Variants in PTPRN2 observed in about 807,000 individuals in gnomAD.
PTPRN2 encodes protein tyrosine phosphatase receptor type N2, also known as receptor-type tyrosine-protein phosphatase N2.
PTPRN2 carries 74 observed loss-of-function variants against 118.8 expected under a neutral mutation model. That is an observed-to-expected ratio of 0.62 (90% confidence interval 0.52 to 0.76). PTPRN2 has a LOEUF of 0.76. PTPRN2 is among the 30% of genes least tolerant of loss of function. The pLI is 0.00. For synonymous variants in PTPRN2, 641 were observed against 608.0 expected, an observed-to-expected ratio of 1.05 and a Z score of -0.80; for missense variants, 1,481 against 1,394.4, an observed-to-expected ratio of 1.06 and a Z score of -0.99.
At chr7:158,068,740 G>A (rs1021660579) in intron 11 of PTPRN2, among the ~76,000 whole-genome samples, 1 of 152,194 alleles carries the variant, frequency 6.6e-6, no homozygotes, top group Non-Finnish European at 1.5e-5. Flanking sequence ...GTCAAGGGCT[G>A]TGAAGCTGAT....
intron 2 of PTPRN2, among the ~76,000 whole-genome samples, chr7:158,433,468 TA>T (rs923693328): frequency 1.6e-4 from 24 of 152,094 alleles, no homozygotes; most frequent in South Asian, 1.2e-3. Context: ...GATCACAGGG[TA>T]AAAAAAATAC....
chr7:158,025,849 G>A (rs912913450), intron 11 of PTPRN2, among the ~76,000 whole-genome samples: 7 of 152,360 alleles, frequency 4.6e-5, no homozygotes, highest in East Asian at 1.9e-4. Flanking sequence ...TAACGAGCCC[G>A]GCAGACAATT....
At position 158,570,309 on chromosome 7, in the gene PTPRN2, C is replaced by T. The variant is rs576819775; in HGVS notation, c.112+17249G>A. On this transcript the variant is annotated intron_variant, in intron 1 of 22. Coordinates refer to ENST00000389418, the MANE Select transcript of PTPRN2 (RefSeq NM_002847.5). This position sits in a 1 kb window ranked among gnomAD's most constrained non-coding sequence, Gnocchi z 4.5. ...TAAGGGACGCCCTCAGAGGCCTCCACCCCACACTCCACCGCGCTCTGCCAA... is the reference window on the plus strand; with the variant it reads ...TAAGGGACGCCCTCAGAGGCCTCCATCCCACACTCCACCGCGCTCTGCCAA... 3.9e-5 allele frequency among the ~76,000 whole-genome samples: 6 copies of T among 152,228 alleles called. No homozygotes were observed. Among genetic ancestry groups the T allele is most frequent in the Non-Finnish European group, 7.3e-5 (5 of 68,046 alleles).
chr7:158,553,569 A>T (rs1394225399), intron 1 of PTPRN2, among the ~76,000 whole-genome samples: 1 of 150,764 alleles, frequency 6.6e-6, no homozygotes, highest in East Asian at 2.0e-4. Context: ...CAGGCTTGGG[A>T]ATTTATACCA....
At position 157,595,235 on chromosome 7, in the gene PTPRN2, C is replaced by T; in HGVS notation, c.2496+3G>A. ...AGAGAGATTTTAATTTAAAAATGTTCACCTGCCAAAAGTCAGCCACGGTGG... is the reference window on the plus strand; with the variant it reads ...AGAGAGATTTTAATTTAAAAATGTTTACCTGCCAAAAGTCAGCCACGGTGG... On this transcript the variant is annotated splice_donor_region_variant and intron_variant, in intron 17 of 22. Transcript: ENST00000389418. The T allele has an allele frequency of 6.2e-7, 1 of 1,613,986 alleles. No homozygotes were observed. Among genetic ancestry groups the T allele is most frequent in the Non-Finnish European group, 8.5e-7 (1 of 1,179,864 alleles).
chr7:158,191,594 C>T (rs1825769976), intron 5 of PTPRN2, among the ~76,000 whole-genome samples: 1 of 152,166 alleles, frequency 6.6e-6, no homozygotes, highest in Non-Finnish European at 1.5e-5. Context: ...AAAAATCATG[C>T]CTGCTTTTCC....
rs527457369 is a variant in PTPRN2, at chr7:157,924,661, C to T, written c.1724-25924G>A. Among the ~76,000 whole-genome samples, 174 of 152,354 alleles carry T rather than the reference C, an allele frequency of 1.1e-3. 2 individuals carry two copies. Among genetic ancestry groups the T allele is most frequent in the African/African-American group, 3.8e-3 (159 of 41,580 alleles). On this transcript the variant is annotated intron_variant, in intron 11 of 22. Transcript: ENST00000389418. Reference sequence around the variant, plus strand: ...TTTCAGGTACACAGGGTAAGAAGTCCGCTGCAGGTGGATTAAAGACTTGCC... The same window carrying T: ...TTTCAGGTACACAGGGTAAGAAGTCTGCTGCAGGTGGATTAAAGACTTGCC...
rs1425751396 is a variant in PTPRN2, at chr7:157,831,946, AG to A, written c.1788+66726del. Among the ~76,000 whole-genome samples the A allele has an allele frequency of 2.0e-5, 3 of 152,332 alleles. No individual in the cohort carries two copies. In the East Asian group the frequency reaches 5.8e-4, roughly 29 times the overall value. ...GGTAAGTTGTTGGAAAACGGAAAGA[AG>A]TTTGTCTGGCAGTTGCTTCGTCTGC... On this transcript the variant is annotated intron_variant, in intron 12 of 22. Transcript: ENST00000389418. This position sits in a 1 kb window ranked among gnomAD's most constrained non-coding sequence, Gnocchi z 4.8.
chr7:158,192,380 C>T lies in PTPRN2; in HGVS notation c.496G>A (p.Ala166Thr), dbSNP rs1349980584. Residue 166 changes from alanine to threonine, a missense_variant, in exon 5 of 23, where the codon GCC becomes ACC. Ala to Thr is a moderately conservative substitution (Grantham distance 58). Coordinates refer to ENST00000389418, the MANE Select transcript of PTPRN2 (RefSeq NM_002847.5). The part of the protein sequence containing the change: ...PFLEALSQAP[A>T]SDVLARTHTA... Reference sequence around the variant, plus strand: ...TGGGTCCTGGCGAGCACGTCTGAGGCTGGGGCCTGGGACAGGGCCTCCAGG... The same window carrying T: ...TGGGTCCTGGCGAGCACGTCTGAGGTTGGGGCCTGGGACAGGGCCTCCAGG... The T allele has an allele frequency of 3.9e-6, 6 of 1,527,900 alleles. No individual in the cohort carries two copies. Among genetic ancestry groups the T allele is most frequent in the Non-Finnish European group, 5.2e-6 (6 of 1,149,414 alleles). The allele number at this position is 1,527,900 out of a possible 1,614,324, so 94.6% of individuals were successfully genotyped here. A position where few individuals can be genotyped will look rare whatever the true frequency, so the allele number is the denominator to read the frequency against.
At chr7:158,186,243 T>G (rs540743428) in intron 5 of PTPRN2, among the ~76,000 whole-genome samples, 14 of 152,346 alleles carry the variant, frequency 9.2e-5, no homozygotes, top group African/African-American at 2.6e-4. Flanking sequence ...CTCCTTGGAA[T>G]GGGTTCATCC....
intron 6 of PTPRN2, among the ~76,000 whole-genome samples, chr7:158,162,467 G>A (rs1198411768): frequency 6.6e-6 from 1 of 152,094 alleles, no homozygotes; most frequent in East Asian, 1.9e-4. Context: ...AAAAGATGGG[G>A]GAATCTTCAA....
intron 11 of PTPRN2, among the ~76,000 whole-genome samples, chr7:157,952,469 G>A (rs1233657005): frequency 3.1e-5 from 4 of 127,950 alleles, no homozygotes; most frequent in Non-Finnish European, 7.6e-5. Flanking sequence ...GACGGGGTGG[G>A]GGACACAGGG....
chr7:158,182,899 C>T lies in PTPRN2; in HGVS notation c.549+9428G>A, dbSNP rs561885271. ...TACTGTCAGTGAAGTATTGAGGTCC[C>T]CCAGTGTTGGCATGTTGCTGCCTAT... On this transcript the variant is annotated intron_variant, in intron 5 of 22. Coordinates refer to ENST00000389418, the MANE Select transcript of PTPRN2 (RefSeq NM_002847.5). Among the ~76,000 whole-genome samples the T allele has an allele frequency of 1.9e-4, 29 of 152,272 alleles. No homozygotes were observed. The South Asian group carries it at 6.0e-3, about 32-fold the overall frequency.
At position 158,138,393 on chromosome 7, in the gene PTPRN2, G is replaced by A. The variant is rs1242271174; in HGVS notation, c.1033C>T (p.His345Tyr). The A allele has an allele frequency of 2.5e-6, 4 of 1,613,718 alleles. No homozygotes were observed. The highest frequency in any genetic ancestry group is 3.4e-6 in the Non-Finnish European group (4 of 1,179,914). ...LMAGLMQGVD[H>Y]GVARGSPGRA... ...CCAGGGCTGCCTCGAGCTACTCCAT[G>A]GTCCACGCCTTGCATCAGGCCAGCC... is the stretch of plus-strand genomic sequence containing the variant. The change falls in exon 7 of 23, where the codon CAT (histidine) becomes TAT (tyrosine). Residue 345 changes from histidine (H) to tyrosine (Y), a missense_variant. This residue lies in a region of PTPRN2 where 1,115 missense variants were observed against 994.2 expected (regional missense o/e 1.12). Transcript: ENST00000389418.
intron 14 of PTPRN2, among the ~76,000 whole-genome samples, chr7:157,625,032 AC>A (rs1375483799): frequency 6.6e-6 from 1 of 152,214 alleles, no homozygotes; most frequent in East Asian, 1.9e-4. Context: ...ACAATGCAAT[AC>A]CACCTTCCTC....
At chr7:158,085,387 TCCACACCCACGACGC>T (rs1585385470) in intron 10 of PTPRN2, among the ~76,000 whole-genome samples, 2 of 12,820 alleles carry the variant, frequency 1.6e-4, no homozygotes, top group Non-Finnish European at 2.9e-4. Flanking sequence ...CACATGCCCA[TCCACACCCACGACGC>T]CCATCCACAC....
At chr7:157,625,148 C>T (rs188251225) in intron 14 of PTPRN2, among the ~76,000 whole-genome samples, 1 of 152,302 alleles carries the variant, frequency 6.6e-6, no homozygotes, top group Non-Finnish European at 1.5e-5. Flanking sequence ...TAAACTAGTA[C>T]AGCCACTATA....
Position 158,208,253 on chromosome 7 carries a change from C to T in PTPRN2, c.278-2980G>A, listed in dbSNP as rs1249398268. Among the ~76,000 whole-genome samples the T allele has an allele frequency of 2.0e-5, 3 of 152,122 alleles. 1 individual carries two copies. Among genetic ancestry groups the T allele is most frequent in the Admixed American group, 2.0e-4 (3 of 15,268 alleles). ...TTAGTTGAAAGGATAATAATGAGAA[C>T]TTCTCGAACCTAGAGAAAGATGTCA... On this transcript the variant is annotated intron_variant, in intron 3 of 22. Transcript: ENST00000389418.
At chr7:158,127,504 C>T (rs1312561716) in intron 9 of PTPRN2, among the ~76,000 whole-genome samples, 1 of 152,190 alleles carries the variant, frequency 6.6e-6, no homozygotes, top group African/African-American at 2.4e-5. Flanking sequence ...ACCCTGGATG[C>T]CGGACTTCCG....
Sources: gnomAD v4.1 joint callset for allele counts (sites outside exome capture counted in the v4.1 genomes callset) on GRCh38, gnomAD v4.1.1 for gene constraint, gnomAD v4.1.1 regional missense constraint, Gnocchi (gnomAD v3.1) non-coding constraint, MANE v1.5 for transcripts, NCBI Gene and HGNC (gene_info 2026-07-23, HGNC 2026-07-21) for gene names.